RGS17: variants seen among roughly 807,000 people sequenced by gnomAD.
RGS17 encodes the protein regulator of G protein signaling 17.
Under a neutral mutation model 25.5 loss-of-function variants are expected in RGS17, and 12 were observed. The observed-to-expected ratio is 0.47, with a 90% CI of 0.30 to 0.76. The LOEUF (loss-of-function observed/expected upper bound fraction) is 0.76. Among genes scored for constraint, RGS17 ranks in the 30% least tolerant of loss-of-function variants. The pLI, the probability that RGS17 is intolerant of heterozygous loss-of-function variation, is 0.07. For synonymous variants in RGS17, 71 were observed against 76.9 expected, an observed-to-expected ratio of 0.92 and a Z score of 0.40; for missense variants, 196 against 242.2, an observed-to-expected ratio of 0.81 and a Z score of 1.27.
At chr6:153,125,584 T>C (rs982672086) in intron 1 of RGS17, among the ~76,000 whole-genome samples, 6 of 152,196 alleles carry the variant, frequency 3.9e-5, no homozygotes, top group South Asian at 2.1e-4. Flanking sequence ...TTTTACACTT[T>C]CAGCTGGGCG....
intron 4 of RGS17, 50 bp from the exon 5 acceptor site, chr6:153,011,812 C>T (rs1779136612): frequency 1.5e-6 from 2 of 1,347,054 alleles, no homozygotes. Context: ...TTTCAAAAGA[C>T]CTCAATTAAG....
At chr6:153,100,052 A>C (rs2129123187) in intron 1 of RGS17, among the ~76,000 whole-genome samples, 1 of 152,312 alleles carries the variant, frequency 6.6e-6, no homozygotes. Flanking sequence ...TCAATTTGGC[A>C]ATAATTTTTC....
rs567590240 is a variant in RGS17, at chr6:153,049,474, G to C, written c.-25-5431C>G. Among the ~76,000 whole-genome samples, 5 of 152,166 alleles carry C rather than the reference G, an allele frequency of 3.3e-5. No homozygotes were observed. In the East Asian group the frequency reaches 9.7e-4, roughly 29 times the overall value. On this transcript the variant is annotated intron_variant, in intron 1 of 4. Transcript: ENST00000206262. ...TAAATTATTTTATAAATTCAAGGCCGGGCATGGTGGCTCACACCTGTAATC... is the reference window on the plus strand; with the variant it reads ...TAAATTATTTTATAAATTCAAGGCCCGGCATGGTGGCTCACACCTGTAATC...
At chr6:153,032,639 T>C (rs746249012) in intron 2 of RGS17, among the ~76,000 whole-genome samples, 1 of 151,928 alleles carries the variant, frequency 6.6e-6, no homozygotes, top group Non-Finnish European at 1.5e-5. Context: ...TTCTAAGGAA[T>C]CTAAAAGGAG....
intron 1 of RGS17, among the ~76,000 whole-genome samples, chr6:153,049,316 G>A (rs1322130247): frequency 1.3e-5 from 2 of 151,946 alleles, no homozygotes; most frequent in Non-Finnish European, 2.9e-5. Context: ...ACAGTAACTG[G>A]TAATATTTAT....
At chr6:153,065,535 T>C (rs1400555122) in intron 1 of RGS17, among the ~76,000 whole-genome samples, 1 of 152,202 alleles carries the variant, frequency 6.6e-6, no homozygotes, top group African/African-American at 2.4e-5. Context: ...TGTTAGGTCA[T>C]AAAACAAGTC....
At chr6:153,055,914 T>G (rs919761950) in intron 1 of RGS17, among the ~76,000 whole-genome samples, 3 of 152,122 alleles carry the variant, frequency 2.0e-5, no homozygotes, top group Non-Finnish European at 4.4e-5. Context: ...ATCTCACAGG[T>G]TGAACAATGG....
At chr6:153,054,650 CAAATAAAT>C (rs55901939) in intron 1 of RGS17, among the ~76,000 whole-genome samples, 43,427 of 141,628 alleles carry the variant, frequency 0.31, 6,747 homozygotes, top group East Asian at 0.39. Context: ...GACTTCATCT[CAAATAAAT>C]AAATAAATAA....
chr6:153,028,113 T>C (rs750660511), intron 2 of RGS17, among the ~76,000 whole-genome samples: 21 of 152,056 alleles, frequency 1.4e-4, no homozygotes, highest in Non-Finnish European at 2.9e-4. Flanking sequence ...GAGAACCCAA[T>C]AGGAATTGAA....
intron 1 of RGS17, among the ~76,000 whole-genome samples, chr6:153,079,154 T>C (rs1401766335): frequency 6.6e-6 from 1 of 152,044 alleles, no homozygotes; most frequent in Non-Finnish European, 1.5e-5. Context: ...TGTGGCTCAC[T>C]GCAATCTCTG....
chr6:153,044,171 T>C, intron 1 of RGS17, 128 bp from the exon 2 acceptor site: 2 of 610,954 alleles, frequency 3.3e-6, no homozygotes, highest in Non-Finnish European at 2.9e-6. Flanking sequence ...TAAGGAAACT[T>C]GAGAGGCCAA....
intron 4 of RGS17, among the ~76,000 whole-genome samples, chr6:153,019,002 A>C (rs991429098): frequency 5.3e-5 from 8 of 152,346 alleles, no homozygotes; most frequent in African/African-American, 1.9e-4. Context: ...CTGGTGTTCA[A>C]ATAGGTCTAT....
intron 1 of RGS17, among the ~76,000 whole-genome samples, chr6:153,053,433 AG>A (rs1776489135): frequency 6.6e-6 from 1 of 152,194 alleles, no homozygotes; most frequent in African/African-American, 2.4e-5. Flanking sequence ...TGATTGCAAA[AG>A]AAAGAATTTC....
In RGS17 at chr6:153,010,883, CTTTT is replaced by C. The variant is rs367841076; in HGVS notation, c.*687_*690del. Reference sequence around the variant, plus strand: ...TGTTTTGTGCTTTTTTCCTTCTTCCCTTTTTTTTTTTTTTTGTTTTTTGCTTTTA... The same window carrying C: ...TGTTTTGTGCTTTTTTCCTTCTTCCCTTTTTTTTTTTGTTTTTTGCTTTTA... On this transcript the variant is annotated 3_prime_UTR_variant, in exon 5 of 5. Transcript: ENST00000206262. The C allele has an allele frequency of 0.035, 4,832 of 137,984 alleles. 232 individuals carry two copies. The highest frequency in any genetic ancestry group is 0.1 in the African/African-American group (3,994 of 38,048). The allele number at this position is 137,984 out of a possible 1,614,324, so 8.5% of individuals were successfully genotyped here.
intron 2 of RGS17, among the ~76,000 whole-genome samples, chr6:153,034,817 T>C (rs918554130): frequency 7.2e-5 from 11 of 152,140 alleles, no homozygotes; most frequent in African/African-American, 2.4e-4. Context: ...ACTATTACGA[T>C]GGAATTGGCA....
intron 4 of RGS17, among the ~76,000 whole-genome samples, chr6:153,020,013 GT>G (rs1368407724): frequency 5.3e-5 from 7 of 131,260 alleles, no homozygotes; most frequent in Middle Eastern, 4.5e-3. Context: ...TAAATTTCTA[GT>G]TTTTTTTTTA....
At chr6:153,060,890 T>G (rs1413908309) in intron 1 of RGS17, among the ~76,000 whole-genome samples, 1 of 152,182 alleles carries the variant, frequency 6.6e-6, no homozygotes, top group East Asian at 1.9e-4. Flanking sequence ...ATTTTGATGC[T>G]AGTATTTTGA....
chr6:153,038,787 G>A (rs1476813806), intron 2 of RGS17, among the ~76,000 whole-genome samples: 1 of 152,178 alleles, frequency 6.6e-6, no homozygotes, highest in Non-Finnish European at 1.5e-5. Flanking sequence ...GCGAAAGTGT[G>A]ACAGCATCAG....
intron 3 of RGS17, 122 bp downstream of exon 3, chr6:153,026,332 G>T: frequency 3.7e-6 from 2 of 539,644 alleles, no homozygotes; most frequent in Admixed American, 3.2e-5. Flanking sequence ...GATTGAATTT[G>T]CATTCACTTC....
Sources: allele counts gnomAD v4.1 joint callset (sites outside exome capture counted in the v4.1 genomes callset), GRCh38; gene constraint gnomAD v4.1.1; transcripts MANE v1.5; gene names NCBI Gene and HGNC (gene_info 2026-07-23, HGNC 2026-07-21).